Variants in PCDHGA2 observed in about 807,000 individuals in gnomAD.
PCDHGA2 encodes the protein protocadherin gamma subfamily A, 2, also known as protocadherin gamma-A2.
A neutral mutation model predicts 59.2 loss-of-function variants in PCDHGA2; 40 were observed. That is an observed-to-expected ratio of 0.68 (90% CI 0.52 to 0.88). The LOEUF is 0.88. Among genes scored for constraint, PCDHGA2 ranks in the 40% least tolerant of loss-of-function variants. The pLI, the probability that PCDHGA2 is intolerant of heterozygous loss-of-function variation, is 0.00. For missense variants in PCDHGA2, 1,226 were observed against 1,204.0 expected (o/e 1.02, Z -0.27); for synonymous variants, 560 against 526.0 (o/e 1.06, Z -0.89).
At position 141,485,320 on chromosome 5, in the gene PCDHGA2, T is replaced by G; in HGVS notation, c.2425-9487T>G. The G allele has an allele frequency of 6.2e-7, 1 of 1,614,114 alleles. No individual in the cohort carries two copies. The highest frequency in any genetic ancestry group is 8.5e-7 in the Non-Finnish European group (1 of 1,180,018). ...AAGGGACTTTTGTAGGGAATGTCGC[T>G]CAAGATTTCCTGCTGGATACGGACA... is the stretch of plus-strand genomic sequence containing the variant. On this transcript the variant is annotated intron_variant, in intron 1 of 3. Transcript: ENST00000394576. The surrounding 1 kb of genome is among the most constrained non-coding windows in gnomAD (Gnocchi z 5.7).
intron 1 of PCDHGA2, chr5:141,409,788 C>T (rs1224847553): frequency 3.1e-6 from 5 of 1,612,138 alleles, no homozygotes; most frequent in Admixed American, 1.7e-5. Flanking sequence ...CGCGCCTTCG[C>T]GCTCACGCTG....
rs10076145 is a variant in PCDHGA2 at position 141,353,622 on chromosome 5, T to C, written c.2424+12227T>C. On this transcript the variant is annotated intron_variant, in intron 1 of 3. Coordinates refer to ENST00000394576, the MANE Select transcript of PCDHGA2 (RefSeq NM_018915.4). ...CTTAACCATTCCTAAATTATTTGTT[T>C]TTATGCTCTTTCTATTTTGTCTCTA... 4.3e-3 allele frequency among the ~76,000 whole-genome samples: 653 copies of C among 152,362 alleles called. 8 individuals carry two copies. Among genetic ancestry groups the C allele is most frequent in the African/African-American group, 0.015 (619 of 41,588 alleles).
In PCDHGA2 at chr5:141,423,130, G is replaced by T. The variant is rs770258338; in HGVS notation, c.2425-71677G>T. The T allele has an allele frequency of 2.5e-6, 4 of 1,613,700 alleles. No homozygotes were observed. Among genetic ancestry groups the T allele is most frequent in the Non-Finnish European group, 2.5e-6 (3 of 1,179,952 alleles). ...GGTGCGTACAGCGCGGGCACTGCTG[G>T]ACAGAGACGCGCTCAAGCAGAGCCT... On this transcript the variant is annotated intron_variant, in intron 1 of 3. Coordinates refer to ENST00000394576, the MANE Select transcript of PCDHGA2 (RefSeq NM_018915.4).
chr5:141,383,028 C>A (rs1561593921), intron 1 of PCDHGA2: 23 of 1,613,814 alleles, frequency 1.4e-5, no homozygotes, highest in Non-Finnish European at 1.9e-5. Flanking sequence ...ACAAAGGGTC[C>A]TTTGTGGGAG....
chr5:141,510,895 CTGT>C, intron 3 of PCDHGA2, 49 bp from the exon 4 acceptor site: 1 of 1,612,988 alleles, frequency 6.2e-7, no homozygotes, highest in Non-Finnish European at 8.5e-7. Flanking sequence ...AAGACAGTGA[CTGT>C]TGAGGACCCT....
Position 141,365,604 on chromosome 5 carries a change from T to C in PCDHGA2, c.2424+24209T>C, listed in dbSNP as rs370603640. The stretch of plus-strand genomic sequence containing the variant: ...GATTATAATATCACTTTAACCGTCA[T>C]GGACCATGGAACCCCGCCCCTCTCT... On this transcript the variant is annotated intron_variant, in intron 1 of 3. Transcript: ENST00000394576. 2.4e-5 allele frequency: 39 copies of C among 1,613,554 alleles called. No homozygotes were observed. Among genetic ancestry groups the C allele is most frequent in the Non-Finnish European group, 3.0e-5 (35 of 1,179,904 alleles).
chr5:141,432,191 G>C lies in PCDHGA2; in HGVS notation c.2425-62616G>C. 2.5e-6 allele frequency: 4 copies of C among 1,614,110 alleles called. No individual in the cohort carries two copies. Among genetic ancestry groups the C allele is most frequent in the Non-Finnish European group, 3.4e-6 (4 of 1,180,026 alleles). On this transcript the variant is annotated intron_variant, in intron 1 of 3. Coordinates refer to ENST00000394576, the MANE Select transcript of PCDHGA2 (RefSeq NM_018915.4). The surrounding 1 kb of genome is among the most constrained non-coding windows in gnomAD (Gnocchi z 6.0). ...TTCCCTCGTCTCTGTGACCGCCCAC[G>C]ACCCCGACTGTGAAGAGAACGCCCA... is the stretch of plus-strand genomic sequence containing the variant.
chr5:141,339,515 G>A lies in PCDHGA2; in HGVS notation c.544G>A (p.Val182Met). The change falls in exon 1 of 4, where the codon GTG becomes ATG. Residue 182 changes from valine (V) to methionine (M), a missense_variant. Coordinates refer to ENST00000394576, the MANE Select transcript of PCDHGA2 (RefSeq NM_018915.4). Reference protein sequence around the residue: ...LNPNDHFSLDVRRGADGNKYP... With the variant: ...LNPNDHFSLDMRRGADGNKYP... Reference sequence around the variant, plus strand: ...CCCAAATGACCACTTCTCCCTGGACGTGCGAAGGGGAGCTGATGGGAACAA... The same window carrying A: ...CCCAAATGACCACTTCTCCCTGGACATGCGAAGGGGAGCTGATGGGAACAA... The A allele has an allele frequency of 6.2e-7, 1 of 1,614,142 alleles. No individual in the cohort carries two copies.
intron 1 of PCDHGA2, chr5:141,370,600 T>C: frequency 6.2e-7 from 1 of 1,613,984 alleles, no homozygotes; most frequent in East Asian, 2.2e-5. Flanking sequence ...CTGCGGGTTA[T>C]TGCAGAGAAG....
At chr5:141,365,608 C>T in intron 1 of PCDHGA2, 11 of 1,613,576 alleles carry the variant, frequency 6.8e-6, no homozygotes, top group Non-Finnish European at 9.3e-6. Flanking sequence ...CCGTCATGGA[C>T]CATGGAACCC....
In PCDHGA2 at chr5:141,432,399, C is replaced by T. The variant is rs2097496727; in HGVS notation, c.2425-62408C>T. ...CACCCGCCCCTCAGCAGCAACGTGT[C>T]GTTGAGCCTGTTCGTGCTGGACCAG... is the stretch of plus-strand genomic sequence containing the variant. On this transcript the variant is annotated intron_variant, in intron 1 of 3. Coordinates refer to ENST00000394576, the MANE Select transcript of PCDHGA2 (RefSeq NM_018915.4). This position sits in a 1 kb window ranked among gnomAD's most constrained non-coding sequence, Gnocchi z 6.0. 1.2e-6 allele frequency: 2 copies of T among 1,614,240 alleles called. No homozygotes were observed. Among genetic ancestry groups the T allele is most frequent in the Non-Finnish European group, 1.7e-6 (2 of 1,180,040 alleles).
chr5:141,399,562 T>G (rs764432886), intron 1 of PCDHGA2: 1 of 1,613,898 alleles, frequency 6.2e-7, no homozygotes, highest in East Asian at 2.2e-5. Flanking sequence ...GGACTTGGGG[T>G]TGAACGGCCA....
In PCDHGA2 at chr5:141,421,591, G is replaced by A. The variant is rs1273484124; in HGVS notation, c.2425-73216G>A. The A allele has an allele frequency of 1.9e-6, 3 of 1,613,756 alleles. No homozygotes were observed. In the Admixed American group the frequency reaches 5.0e-5, roughly 27 times the overall value. ...CACCTTGAAGATTTACGGAGTGGAG[G>A]TGGAAATAATAGATATTAATGATAA... is the stretch of plus-strand genomic sequence containing the variant. On this transcript the variant is annotated intron_variant, in intron 1 of 3. Transcript: ENST00000394576.
In PCDHGA2 at chr5:141,423,089, G is replaced by C. The variant is rs201821221; in HGVS notation, c.2425-71718G>C. The stretch of plus-strand genomic sequence containing the variant: ...AGCGAGCCGGGACTCTTCGCGGTGG[G>C]GGAGCACACGGGCGAGGTGCGTACA... On this transcript the variant is annotated intron_variant, in intron 1 of 3. Transcript: ENST00000394576. 4.0e-5 allele frequency: 65 copies of C among 1,614,016 alleles called. No individual in the cohort carries two copies. In the African/African-American group the frequency reaches 7.2e-4, roughly 18 times the overall value.
chr5:141,400,803 A>G, intron 1 of PCDHGA2: 1 of 556,958 alleles, frequency 1.8e-6, no homozygotes, highest in South Asian at 2.5e-5. Context: ...CTCAAAGCTA[A>G]TGAATTTTAC....
At chr5:141,389,122 A>G (rs2091613113) in intron 1 of PCDHGA2, 1 of 1,613,914 alleles carries the variant, frequency 6.2e-7, no homozygotes, top group Admixed American at 1.7e-5. Context: ...CGCGAGCAGA[A>G]TCCAGAGTAC....
At chr5:141,360,896 A>T in intron 1 of PCDHGA2, 2 of 1,614,014 alleles carry the variant, frequency 1.2e-6, no homozygotes, top group Non-Finnish European at 1.7e-6. Context: ...CTGAGGGAGG[A>T]CGTGCCGCCG....
chr5:141,496,342 G>A (rs1430202202), intron 2 of PCDHGA2, among the ~76,000 whole-genome samples: 1 of 152,208 alleles, frequency 6.6e-6, no homozygotes, highest in East Asian at 1.9e-4. Context: ...GAGCCTGGAG[G>A]AGTCTCAGAG....
chr5:141,433,194 A>G (rs1170543558), intron 1 of PCDHGA2: 18 of 1,585,754 alleles, frequency 1.1e-5, no homozygotes, highest in Non-Finnish European at 1.5e-5. Context: ...GTGAGTTTAT[A>G]TCAAATCTTC....
Sources: allele counts gnomAD v4.1 joint callset (sites outside exome capture counted in the v4.1 genomes callset), GRCh38; gene constraint gnomAD v4.1.1; non-coding constraint Gnocchi (gnomAD v3.1); transcripts MANE v1.5; gene names NCBI Gene and HGNC (gene_info 2026-07-23, HGNC 2026-07-21).